The following AGTPBP1 variants were observed in gnomAD, a reference collection of about 807,000 sequenced individuals.
AGTPBP1 encodes the protein cytosolic carboxypeptidase 1.
In AGTPBP1, 70 loss-of-function variants were observed where a neutral mutation model predicts 143.9. The ratio of observed to expected loss-of-function variants is 0.49; its 90% CI spans 0.40 to 0.59. AGTPBP1 has a LOEUF of 0.59. AGTPBP1 is among the 20% of genes least tolerant of loss of function. AGTPBP1 has a pLI of 0.00. For missense variants in AGTPBP1, 1,229 were observed against 1,464.5 expected (o/e 0.84, Z 2.62); for synonymous variants, 463 against 500.2 (o/e 0.93, Z 0.99).
chr9:85,791,973 G>GT, the AGTPBP1 span, among the ~76,000 whole-genome samples: 1 of 152,092 alleles, frequency 6.6e-6, no homozygotes, highest in African/African-American at 2.4e-5. Context: ...GGACTTAAGT[G>GT]ATTTTACCTT....
At position 85,655,859 on chromosome 9, in the gene AGTPBP1, G is replaced by A. The variant is rs570193610; in HGVS notation, c.910-539C>T. Reference sequence around the variant, plus strand: ...GTTTTTGGTTTTGAGATGGAATCTCGCTCTGTCACCCAGGCTGGAGTGAAG... The same window carrying A: ...GTTTTTGGTTTTGAGATGGAATCTCACTCTGTCACCCAGGCTGGAGTGAAG... On this transcript the variant is annotated intron_variant, in intron 10 of 25. Transcript: ENST00000357081. Among the ~76,000 whole-genome samples the A allele has an allele frequency of 6.6e-5, 10 of 152,084 alleles. No homozygotes were observed. In the East Asian group the frequency reaches 1.5e-3, roughly 24 times the overall value.
intron 20 of AGTPBP1, 131 bp downstream of exon 20, chr9:85,589,397 T>G (rs1564037209): frequency 6.7e-6 from 8 of 1,190,664 alleles, no homozygotes; most frequent in Non-Finnish European, 9.2e-6. Flanking sequence ...AGCTAGATAA[T>G]AGCAGGGCCA....
At chr9:85,766,747 A>C in the AGTPBP1 span, among the ~76,000 whole-genome samples, 2 of 152,128 alleles carry the variant, frequency 1.3e-5, no homozygotes, top group Non-Finnish European at 2.9e-5. Context: ...TTTTAAAGCC[A>C]AGGTTAATAT....
At chr9:85,579,175 T>A in intron 23 of AGTPBP1, 79 bp from the exon 24 acceptor site, 1 of 1,404,876 alleles carries the variant, frequency 7.1e-7, no homozygotes, top group Non-Finnish European at 9.5e-7. Flanking sequence ...AAAGTTTTGA[T>A]GAAAACACAG....
At chr9:85,630,311 G>C (rs1166034925) in intron 14 of AGTPBP1, among the ~76,000 whole-genome samples, 3 of 152,172 alleles carry the variant, frequency 2.0e-5, no homozygotes, top group African/African-American at 7.2e-5. Flanking sequence ...CACTGCAACT[G>C]TTCTCAGGGT....
chr9:85,663,182 G>A (rs1000900976), intron 8 of AGTPBP1, among the ~76,000 whole-genome samples: 1 of 152,132 alleles, frequency 6.6e-6, no homozygotes, highest in African/African-American at 2.4e-5. Context: ...GATTTTCAGC[G>A]AGTTGTGTTT....
chr9:85,746,225 G>A (rs1052066978), upstream of AGTPBP1, among the ~76,000 whole-genome samples: 2 of 151,906 alleles, frequency 1.3e-5, no homozygotes, highest in African/African-American at 4.8e-5. Flanking sequence ...AATCTGCTGC[G>A]ATCCACTGCC....
intron 25 of AGTPBP1, among the ~76,000 whole-genome samples, chr9:85,564,365 G>GACT (rs536469914): frequency 2.1e-3 from 317 of 152,298 alleles, no homozygotes; most frequent in Non-Finnish European, 3.5e-3. Context: ...TTGTATTTTA[G>GACT]AAGCACCTAA....
In AGTPBP1 at chr9:85,567,730, G is replaced by T. The variant is rs558662113; in HGVS notation, c.3503+7585C>A. 2.0e-5 allele frequency among the ~76,000 whole-genome samples: 3 copies of T among 152,284 alleles called. 1 individual carries two copies. The highest frequency in any genetic ancestry group is 7.2e-5 in the African/African-American group (3 of 41,558). ...AGTTGGTGAATTATAAAATGCTACT[G>T]AAGAATTTACCTAGACTGTAGCAGG... On this transcript the variant is annotated intron_variant, in intron 25 of 25. Coordinates refer to ENST00000357081, the MANE Select transcript of AGTPBP1 (RefSeq NM_001330701.2).
At chr9:85,568,122 G>A (rs1011426193) in intron 25 of AGTPBP1, among the ~76,000 whole-genome samples, 2 of 152,196 alleles carry the variant, frequency 1.3e-5, no homozygotes, top group Non-Finnish European at 1.5e-5. Context: ...GCTACTCAAG[G>A]TGTGGTCCAT....
intron 8 of AGTPBP1, 102 bp downstream of exon 8, chr9:85,669,383 C>A (rs1390803814): frequency 7.4e-6 from 4 of 542,190 alleles, no homozygotes; most frequent in Non-Finnish European, 1.3e-5. Flanking sequence ...TGAAATAACC[C>A]TGGAGACAAT....
At chr9:85,784,105 C>G in the AGTPBP1 span, among the ~76,000 whole-genome samples, 4 of 152,264 alleles carry the variant, frequency 2.6e-5, no homozygotes, top group East Asian at 7.7e-4. Context: ...TTTATATGAA[C>G]CTGCATTCTA....
chr9:85,766,489 GA>G, the AGTPBP1 span, among the ~76,000 whole-genome samples: 1 of 152,146 alleles, frequency 6.6e-6, no homozygotes, highest in African/African-American at 2.4e-5. Flanking sequence ...TTAATATCAA[GA>G]AACATTTAGG....
intron 11 of AGTPBP1, among the ~76,000 whole-genome samples, chr9:85,650,061 T>TC (rs1396450731): frequency 1.3e-5 from 2 of 150,586 alleles, no homozygotes; most frequent in South Asian, 2.1e-4. Flanking sequence ...TTTTTTTTTT[T>TC]TTCTTGCTCT....
intron 1 of AGTPBP1, among the ~76,000 whole-genome samples, chr9:85,726,236 AAAAAAAC>A (rs963289606): frequency 6.6e-5 from 10 of 151,560 alleles, no homozygotes; most frequent in East Asian, 1.9e-4. Context: ...TCTCAAAAAA[AAAAAAAC>A]AAAAAACAAA....
intron 18 of AGTPBP1, among the ~76,000 whole-genome samples, chr9:85,595,568 C>T (rs1020471582): frequency 4.6e-5 from 7 of 152,030 alleles, no homozygotes; most frequent in Admixed American, 2.6e-4. Context: ...GCTCTGTCAC[C>T]GAGGCTGGAG....
chr9:85,588,176 A>C (rs968728986), intron 21 of AGTPBP1, 122 bp downstream of exon 21: 1 of 825,180 alleles, frequency 1.2e-6, no homozygotes, highest in Non-Finnish European at 1.7e-6. Context: ...ATTTCCCACC[A>C]AAAATTTCTT....
At chr9:85,612,492 G>A (rs1363038852) in intron 17 of AGTPBP1, among the ~76,000 whole-genome samples, 1 of 152,176 alleles carries the variant, frequency 6.6e-6, no homozygotes, top group Non-Finnish European at 1.5e-5. Context: ...TCATCGGGCT[G>A]TTCATCTGAA....
At chr9:85,590,450 T>C (rs1828887533) in intron 19 of AGTPBP1, among the ~76,000 whole-genome samples, 1 of 152,222 alleles carries the variant, frequency 6.6e-6, no homozygotes. Context: ...GGTCTTATTA[T>C]GTGGTTATAC....
Sources: allele counts gnomAD v4.1 joint callset (sites outside exome capture counted in the v4.1 genomes callset), GRCh38; gene constraint gnomAD v4.1.1; transcripts MANE v1.5; gene names NCBI Gene and HGNC (gene_info 2026-07-23, HGNC 2026-07-21).